Variants in RNF170 observed in about 807,000 individuals in gnomAD.
RNF170 encodes ring finger protein 170.
A neutral mutation model predicts 32.7 loss-of-function variants in RNF170; 12 were observed. That is an observed-to-expected ratio of 0.37 (90% CI 0.24 to 0.60). RNF170 has a LOEUF of 0.60. Among genes scored for constraint, RNF170 ranks in the 20% least tolerant of loss-of-function variants. RNF170 has a pLI of 0.72. For missense variants in RNF170, 212 were observed against 311.2 expected (o/e 0.68, Z 2.40); for synonymous variants, 91 against 103.6 (o/e 0.88, Z 0.74).
chr8:42,883,742 T>A (rs1019715302), intron 2 of RNF170, among the ~76,000 whole-genome samples: 5 of 152,148 alleles, frequency 3.3e-5, no homozygotes, highest in South Asian at 2.1e-4. Context: ...AAATATTTTT[T>A]AAAAAGTTTA....
rs1375380979 is a variant in RNF170, at chr8:42,853,959, C to T, written c.*2200G>A. The T allele has an allele frequency of 1.6e-6, 2 of 1,287,104 alleles. No homozygotes were observed. The highest frequency in any genetic ancestry group is 4.6e-5 in the Admixed American group (2 of 43,548). The allele number at this position is 1,287,104 out of a possible 1,614,324, so 79.7% of individuals were successfully genotyped here. A position where few individuals can be genotyped will look rare whatever the true frequency, so the allele number is the denominator to read the frequency against. ...TGACACTTGGAGCAGAATGCATGCACACAAAATAAAATCCTGTCAAAAAAT... is the reference window on the plus strand; with the variant it reads ...TGACACTTGGAGCAGAATGCATGCATACAAAATAAAATCCTGTCAAAAAAT... On this transcript the variant is annotated 3_prime_UTR_variant, in exon 7 of 7. Transcript: ENST00000527424.
intron 2 of RNF170, among the ~76,000 whole-genome samples, chr8:42,877,047 G>A (rs1010087765): frequency 2.7e-5 from 4 of 149,438 alleles, no homozygotes; most frequent in Admixed American, 6.8e-5. Flanking sequence ...TCCGTCTCCC[G>A]GGTTCATGCC....
chr8:42,885,686 T>C (rs1299298695), intron 2 of RNF170, among the ~76,000 whole-genome samples: 1 of 152,240 alleles, frequency 6.6e-6, no homozygotes, highest in Non-Finnish European at 1.5e-5. Context: ...GAGCATTTTT[T>C]CATAAACCTT....
chr8:42,882,981 T>C (rs34853154), intron 2 of RNF170, among the ~76,000 whole-genome samples: 1 of 152,074 alleles, frequency 6.6e-6, no homozygotes, highest in Non-Finnish European at 1.5e-5. Context: ...GAGGATCATT[T>C]GAGCCTGGGG....
chr8:42,892,523 G>T (rs2130200072), intron 1 of RNF170, among the ~76,000 whole-genome samples: 1 of 152,224 alleles, frequency 6.6e-6, no homozygotes, highest in Middle Eastern at 3.4e-3. Flanking sequence ...CTACAGTTCA[G>T]TTTTAGAATA....
rs1276020195 is a variant in RNF170 at position 42,855,304 on chromosome 8, T to C, written c.*855A>G. The C allele has an allele frequency of 1.9e-6, 2 of 1,053,940 alleles. No homozygotes were observed. Among genetic ancestry groups the C allele is most frequent in the Non-Finnish European group, 2.5e-6 (2 of 785,066 alleles). The allele number at this position is 1,053,940 out of a possible 1,614,324, so 65.3% of individuals were successfully genotyped here. ...GAGTGCAGTGGCGCAATCCACCTCC[T>C]GGGTTTACGCCATTCTTCTGCCTCA... is the stretch of plus-strand genomic sequence containing the variant. On this transcript the variant is annotated 3_prime_UTR_variant, in exon 7 of 7. Transcript: ENST00000527424.
At chr8:42,874,886 T>C (rs1804794345) in intron 2 of RNF170, among the ~76,000 whole-genome samples, 3 of 151,616 alleles carry the variant, frequency 2.0e-5, no homozygotes, top group Admixed American at 2.0e-4. Context: ...GAAAGTCAGA[T>C]GTTGGCTGGG....
At chr8:42,876,762 T>G (rs985765236) in intron 2 of RNF170, among the ~76,000 whole-genome samples, 4 of 150,198 alleles carry the variant, frequency 2.7e-5, no homozygotes, top group Admixed American at 6.7e-5. Flanking sequence ...TGGGTTCTAG[T>G]GATTCTCCTG....
chr8:42,869,915 CAAAGAGA>C, intron 4 of RNF170, 82 bp downstream of exon 4: 2 of 896,784 alleles, frequency 2.2e-6, no homozygotes, highest in Non-Finnish European at 3.7e-6. Flanking sequence ...CAAAATGTGA[CAAAGAGA>C]AAATTGGGAA....
intron 1 of RNF170, among the ~76,000 whole-genome samples, chr8:42,894,849 T>TG (rs1182901344): frequency 6.6e-6 from 1 of 152,082 alleles, no homozygotes; most frequent in African/African-American, 2.4e-5. Context: ...ACACCGCGCC[T>TG]GGCCACGTAT....
At chr8:42,870,205 G>C (rs1416953794) in intron 3 of RNF170, 93 bp from the exon 4 acceptor site, 4 of 850,306 alleles carry the variant, frequency 4.7e-6, no homozygotes, top group Non-Finnish European at 7.9e-6. Flanking sequence ...AGAGTCAGCA[G>C]TGTGTAACCC....
downstream of RNF170, chr8:42,851,073 C>T (rs1802928497): frequency 6.5e-7 from 1 of 1,532,000 alleles, no homozygotes; most frequent in African/African-American, 1.4e-5. Context: ...AAATCCAAAT[C>T]AACAGCCTTC....
At chr8:42,877,345 T>G (rs1563265682) in intron 2 of RNF170, among the ~76,000 whole-genome samples, 1 of 152,186 alleles carries the variant, frequency 6.6e-6, no homozygotes, top group East Asian at 1.9e-4. Flanking sequence ...TTTTTATATT[T>G]TTAGTAGAGT....
chr8:42,854,490 A>C lies in RNF170; in HGVS notation c.*1669T>G. On this transcript the variant is annotated 3_prime_UTR_variant, in exon 7 of 7. Transcript: ENST00000527424. The stretch of plus-strand genomic sequence containing the variant: ...AGGATAAAATGAAAAGTATGTGAGA[A>C]ACCTGCTTTAATTATAATGTGCTAT... The C allele has an allele frequency of 7.8e-7, 1 of 1,286,554 alleles. No homozygotes were observed. Among genetic ancestry groups the C allele is most frequent in the Non-Finnish European group, 1.0e-6 (1 of 988,060 alleles). 79.7% of individuals were successfully genotyped at this position (1,286,554 alleles called of 1,614,324 possible).
chr8:42,868,005 T>C (rs1275866382), intron 4 of RNF170, among the ~76,000 whole-genome samples: 3 of 152,164 alleles, frequency 2.0e-5, no homozygotes, highest in Admixed American at 2.0e-4. Context: ...GAGAAACGTA[T>C]CTGCCTTCTA....
rs1457365980 is a variant in RNF170, at chr8:42,853,454, GT to G, written c.*2704del. 2.3e-6 allele frequency: 3 copies of G among 1,286,998 alleles called. No homozygotes were observed. Among genetic ancestry groups the G allele is most frequent in the Non-Finnish European group, 1.0e-6 (1 of 988,664 alleles). 79.7% of individuals were successfully genotyped at this position (1,286,998 alleles called of 1,614,324 possible). On this transcript the variant is annotated 3_prime_UTR_variant, in exon 7 of 7. Transcript: ENST00000527424. ...GATCCACATAGTCCTTTCTTCCCTT[GT>G]ACCTCTCAAACACTGAGAATTGTAG...
chr8:42,854,753 C>T lies in RNF170; in HGVS notation c.*1406G>A. The T allele has an allele frequency of 7.8e-7, 1 of 1,287,410 alleles. No individual in the cohort carries two copies. Among genetic ancestry groups the T allele is most frequent in the Non-Finnish European group, 1.0e-6 (1 of 988,684 alleles). The allele number at this position is 1,287,410 out of a possible 1,614,324, so 79.7% of individuals were successfully genotyped here. A position where few individuals can be genotyped will look rare whatever the true frequency, so the allele number is the denominator to read the frequency against. ...TCAGATGACAATGCTAACACTGACTCCTGGGCATCCCCTCACATCCTGCTG... is the reference window on the plus strand; with the variant it reads ...TCAGATGACAATGCTAACACTGACTTCTGGGCATCCCCTCACATCCTGCTG... On this transcript the variant is annotated 3_prime_UTR_variant, in exon 7 of 7. Transcript: ENST00000527424.
At chr8:42,893,945 C>G (rs1806523680) in intron 1 of RNF170, among the ~76,000 whole-genome samples, 1 of 152,070 alleles carries the variant, frequency 6.6e-6, no homozygotes. Context: ...AAGACAAGTT[C>G]AACTCACCTC....
intron 1 of RNF170, among the ~76,000 whole-genome samples, chr8:42,892,679 T>C (rs1474035655): frequency 6.6e-6 from 1 of 151,784 alleles, no homozygotes; most frequent in Non-Finnish European, 1.5e-5. Context: ...GCAGCGTTTT[T>C]TTTTTTTTTT....
Sources: allele counts gnomAD v4.1 joint callset (sites outside exome capture counted in the v4.1 genomes callset), GRCh38; gene constraint gnomAD v4.1.1; transcripts MANE v1.5; gene names NCBI Gene and HGNC (gene_info 2026-07-23, HGNC 2026-07-21).